NIPBL: variants seen among roughly 807,000 people sequenced by gnomAD.
NIPBL encodes NIPBL cohesin loading factor, also known as nipped-B-like protein.
A neutral mutation model predicts 321.8 loss-of-function variants in NIPBL; 19 were observed. That is an observed-to-expected ratio of 0.06 (90% CI 0.04 to 0.09). NIPBL has a LOEUF of 0.09. NIPBL is among the 10% of genes least tolerant of loss of function. NIPBL has a pLI of 1.00. For synonymous variants in NIPBL, 1,106 were observed against 1,114.1 expected (o/e 0.99, Z 0.14); for missense variants, 2,210 against 3,327.0 (o/e 0.66, Z 8.26).
chr5:36,911,022 A>G (rs1748007200), intron 1 of NIPBL, among the ~76,000 whole-genome samples: 2 of 152,188 alleles, frequency 1.3e-5, no homozygotes, highest in South Asian at 4.1e-4. Flanking sequence ...CCTCAGTTGA[A>G]TTAAGAGGAA....
chr5:36,930,013 A>G (rs1432738496), intron 1 of NIPBL, among the ~76,000 whole-genome samples: 1 of 152,044 alleles, frequency 6.6e-6, no homozygotes, highest in Non-Finnish European at 1.5e-5. Context: ...ATTGGGTAGT[A>G]TAAGTTCTCC....
chr5:36,968,113 A>AC (rs1561090774), intron 6 of NIPBL, among the ~76,000 whole-genome samples: 1 of 89,506 alleles, frequency 1.1e-5, no homozygotes, highest in East Asian at 2.9e-4. Flanking sequence ...AAAAAAAAAC[A>AC]AAAAACAAAA....
rs1221517376 is a variant in NIPBL, at chr5:36,976,221, A to G, written c.1314A>G (p.Gln438=). 1.2e-6 allele frequency: 2 copies of G among 1,613,616 alleles called. No individual in the cohort carries two copies. The highest frequency in any genetic ancestry group is 1.7e-6 in the Non-Finnish European group (2 of 1,179,854). Residue 438 remains glutamine (Q), a synonymous_variant, in exon 9 of 47, where the codon CAA becomes CAG. Coordinates refer to ENST00000282516, the MANE Select transcript of NIPBL (RefSeq NM_133433.4). ...CAGCAAATCAAGTGCCTGTTTTACA[A>G]CAGAACACTTCAGTTGCTGCAAAAC... is the stretch of plus-strand genomic sequence containing the variant. The part of the protein sequence containing the change: ...FLPANQVPVL[Q]QNTSVAAKQP...
intron 32 of NIPBL, among the ~76,000 whole-genome samples, chr5:37,033,683 C>A (rs1751332340): frequency 1.3e-5 from 1 of 79,602 alleles, no homozygotes; most frequent in Admixed American, 1.7e-4. Flanking sequence ...TGTATATGTA[C>A]ATACACACAC....
At chr5:37,040,225 ATGTCT>A (rs1428879370) in intron 34 of NIPBL, among the ~76,000 whole-genome samples, 2 of 152,160 alleles carry the variant, frequency 1.3e-5, no homozygotes, top group South Asian at 4.1e-4. Context: ...CACTTTTAAA[ATGTCT>A]TGTGCATTTT....
intron 1 of NIPBL, chr5:36,885,729 A>C (rs1285915064): frequency 8.4e-6 from 5 of 594,602 alleles, no homozygotes; most frequent in Non-Finnish European, 1.6e-5. Flanking sequence ...GCCATGTGCC[A>C]GTCTGTAGAG....
intron 10 of NIPBL, 197 bp from the exon 11 acceptor site, chr5:36,995,425 A>G: frequency 4.5e-6 from 2 of 441,346 alleles, no homozygotes; most frequent in East Asian, 7.3e-5. Flanking sequence ...TTACATAATT[A>G]TATGTATATA....
intron 39 of NIPBL, among the ~76,000 whole-genome samples, 159 bp from the exon 40 acceptor site, chr5:37,048,946 GACACAC>G (rs56972789): frequency 1.1e-4 from 16 of 148,576 alleles, no homozygotes; most frequent in Non-Finnish European, 2.4e-4. Context: ...CTCTGACACA[GACACAC>G]ACACACACAC....
At chr5:37,036,020 A>G (rs781721865) in intron 32 of NIPBL, among the ~76,000 whole-genome samples, 24 of 152,228 alleles carry the variant, frequency 1.6e-4, no homozygotes, top group Non-Finnish European at 2.9e-4. Context: ...AAATAATTCA[A>G]CTAGTATTAT....
rs1176609817 is a variant in NIPBL, at chr5:37,019,167, T to C, written c.4921-144T>C. 10 of 654,470 alleles carry C rather than the reference T, an allele frequency of 1.5e-5. No individual in the cohort carries two copies. In the East Asian group the frequency reaches 2.5e-4, roughly 16 times the overall value. The allele number at this position is 654,470 out of a possible 1,614,324, so 40.5% of individuals were successfully genotyped here. A position where few individuals can be genotyped will look rare whatever the true frequency, so the allele number is the denominator to read the frequency against. ...TATATAATATTTTTCGGAAATAATA[T>C]TTTTCTGTTTTTTCCTTTTAGTTAC... On this transcript the variant is annotated intron_variant, in intron 24 of 46. Transcript: ENST00000282516.
intron 1 of NIPBL, among the ~76,000 whole-genome samples, chr5:36,906,752 A>C (rs1215474350): frequency 6.6e-6 from 1 of 152,192 alleles, no homozygotes; most frequent in East Asian, 1.9e-4. Context: ...GGTGATTTCT[A>C]AATCTGAATA....
At chr5:37,030,920 T>A (rs1051995020) in intron 32 of NIPBL, among the ~76,000 whole-genome samples, 1 of 49,866 alleles carries the variant, frequency 2.0e-5, no homozygotes, top group Non-Finnish European at 3.8e-5. Flanking sequence ...ATGTTTAGCC[T>A]TTTTTTTTTT....
chr5:37,041,899 C>T (rs1390730349), intron 34 of NIPBL, among the ~76,000 whole-genome samples: 1 of 151,388 alleles, frequency 6.6e-6, no homozygotes, highest in African/African-American at 2.4e-5. Context: ...AAAATGCTAG[C>T]ACTGGTTCTC....
chr5:37,007,411 C>T lies in NIPBL; in HGVS notation c.4176C>T (p.Asp1392=). ...TAATGCTTTATAACAAAGTTTGTGA[C>T]ATTGTTAGCAGCTTATCAGAATTGC... The part of the protein sequence containing the change: ...VIVMLYNKVC[D]IVSSLSELLE... Residue 1392 remains aspartate, a synonymous_variant, in exon 18 of 47, where the codon GAC becomes GAT. Transcript: ENST00000282516. 1 of 1,611,276 alleles carries T rather than the reference C, an allele frequency of 6.2e-7. No homozygotes were observed. Among genetic ancestry groups the T allele is most frequent in the Non-Finnish European group, 8.5e-7 (1 of 1,177,940 alleles).
chr5:36,937,783 A>C (rs1439498201), intron 1 of NIPBL, among the ~76,000 whole-genome samples: 1 of 152,166 alleles, frequency 6.6e-6, no homozygotes, highest in Non-Finnish European at 1.5e-5. Context: ...AAGGAGACTT[A>C]AGCCTTATTT....
intron 42 of NIPBL, 66 bp from the exon 43 acceptor site, chr5:37,057,120 A>G (rs1754181979): frequency 5.1e-6 from 8 of 1,575,512 alleles, no homozygotes; most frequent in Non-Finnish European, 6.9e-6. Flanking sequence ...TTTTTCTAAA[A>G]AAGGTTTTTT....
chr5:36,904,006 T>C (rs1391873652), intron 1 of NIPBL, among the ~76,000 whole-genome samples: 2 of 152,046 alleles, frequency 1.3e-5, no homozygotes, highest in African/African-American at 2.4e-5. Flanking sequence ...TAAAGTAGAG[T>C]GTAAGCCAGA....
In NIPBL at chr5:37,022,083, T is replaced by C. The variant is rs957189377; in HGVS notation, c.5361T>C (p.Ala1787=). The C allele has an allele frequency of 1.2e-6, 2 of 1,614,110 alleles. No homozygotes were observed. The highest frequency in any genetic ancestry group is 4.5e-5 in the East Asian group (2 of 44,892). The change falls in exon 28 of 47, where the codon GCT becomes GCC. Residue 1787 remains alanine (A), a synonymous_variant. Transcript: ENST00000282516. Reference sequence around the variant, plus strand: ...GAGTTCTTGGTGAAAATGCAATTGCTGTTCGAACAAAAGCCATGAAGTGTT... The same window carrying C: ...GAGTTCTTGGTGAAAATGCAATTGCCGTTCGAACAAAAGCCATGAAGTGTT... ...ILRVLGENAI[A]VRTKAMKCLS... is the part of the protein sequence containing the mutation.
At chr5:37,000,326 A>T in intron 11 of NIPBL, 47 bp from the exon 12 acceptor site, 1 of 1,574,760 alleles carries the variant, frequency 6.4e-7, no homozygotes, top group Middle Eastern at 1.7e-4. Flanking sequence ...AGTTTTAATC[A>T]TCTTTTTAAA....
Sources: gnomAD v4.1 joint callset for allele counts (sites outside exome capture counted in the v4.1 genomes callset) on GRCh38, gnomAD v4.1.1 for gene constraint, MANE v1.5 for transcripts, NCBI Gene and HGNC (gene_info 2026-07-23, HGNC 2026-07-21) for gene names.